Variants in PLCE1 observed in about 807,000 individuals in gnomAD.
PLCE1 encodes 1-phosphatidylinositol 4,5-bisphosphate phosphodiesterase epsilon-1.
PLCE1 carries 119 observed loss-of-function variants against 242.8 expected under a neutral mutation model. The observed-to-expected ratio is 0.49, with a 90% confidence interval of 0.42 to 0.57. The LOEUF is 0.57. Ranked by LOEUF, PLCE1 falls within the 20% of genes least tolerant of loss-of-function variation. The pLI is 0.00. For synonymous variants in PLCE1, 945 were observed against 1,017.4 expected, an observed-to-expected ratio of 0.93 and a Z score of 1.35; for missense variants, 2,441 against 2,788.8, an observed-to-expected ratio of 0.88 and a Z score of 2.81.
chr10:94,234,304 A>T lies in PLCE1; in HGVS notation c.2206A>T (p.Thr736Ser). The change falls in exon 6 of 33, where the codon ACT (threonine) becomes TCT (serine). Residue 736 changes from threonine (T) to serine (S), a missense_variant. By Grantham distance (58) the Thr-to-Ser change is moderately conservative (BLOSUM62 1). Coordinates refer to ENST00000371380, the MANE Select transcript of PLCE1 (RefSeq NM_016341.4). ...CCCGCGGTACAATTCCCAAGAAGAA[A>T]CTTTAGAGGTAAGGCCTTTCAGAAT... is the stretch of plus-strand genomic sequence containing the variant. ...LCPRYNSQEE[T>S]LEFVADYSGQ... is the part of the protein sequence containing the mutation. The T allele has an allele frequency of 6.2e-7, 1 of 1,613,946 alleles. No homozygotes were observed. Among genetic ancestry groups the T allele is most frequent in the Non-Finnish European group, 8.5e-7 (1 of 1,179,960 alleles).
chr10:94,211,599 CCTT>C (rs1411873451), intron 4 of PLCE1, among the ~76,000 whole-genome samples: 1 of 152,248 alleles, frequency 6.6e-6, no homozygotes. Context: ...CTGGATTATT[CCTT>C]CATGACAGCC....
At chr10:94,234,950 A>C (rs991221170) in intron 6 of PLCE1, among the ~76,000 whole-genome samples, 2 of 152,158 alleles carry the variant, frequency 1.3e-5, no homozygotes, top group African/African-American at 4.8e-5. Flanking sequence ...AAAATGAAAG[A>C]AGTGACTAAA....
chr10:94,284,450 C>T (rs2052363985), intron 21 of PLCE1, among the ~76,000 whole-genome samples: 1 of 152,222 alleles, frequency 6.6e-6, no homozygotes, highest in South Asian at 2.1e-4. Context: ...TACCCAGACC[C>T]TATCCTCAAG....
At chr10:94,017,811 G>A (rs1010176493) in intron 1 of PLCE1, among the ~76,000 whole-genome samples, 8 of 152,150 alleles carry the variant, frequency 5.3e-5, no homozygotes, top group Non-Finnish European at 1.2e-4. Context: ...ATAAAATGTA[G>A]GCTAGACATC....
chr10:94,268,805 T>C, intron 16 of PLCE1, 124 bp from the exon 17 acceptor site: 1 of 694,596 alleles, frequency 1.4e-6, no homozygotes, highest in Non-Finnish European at 2.7e-6. Flanking sequence ...TTTTAGACCA[T>C]TTGCCCTTCT....
chr10:94,181,910 C>G (rs939510233), intron 4 of PLCE1, among the ~76,000 whole-genome samples: 1 of 152,150 alleles, frequency 6.6e-6, no homozygotes, highest in Non-Finnish European at 1.5e-5. Context: ...GAGTGAGACC[C>G]TTTCTCTAAA....
intron 1 of PLCE1, among the ~76,000 whole-genome samples, chr10:93,998,240 A>G (rs904536639): frequency 1.2e-4 from 18 of 152,196 alleles, no homozygotes; most frequent in African/African-American, 4.1e-4. Context: ...CCTGCCTTTG[A>G]AGAAATTATT....
chr10:94,276,821 G>C (rs988922144), intron 19 of PLCE1, among the ~76,000 whole-genome samples: 4 of 152,082 alleles, frequency 2.6e-5, no homozygotes, highest in Non-Finnish European at 4.4e-5. Flanking sequence ...CAACTTACTT[G>C]TTCCTTATTT....
At chr10:94,258,194 G>A (rs983410258) in intron 11 of PLCE1, among the ~76,000 whole-genome samples, 5 of 152,072 alleles carry the variant, frequency 3.3e-5, no homozygotes, top group African/African-American at 1.2e-4. Flanking sequence ...CGAACACCTG[G>A]GGTCAAGCAA....
At chr10:94,220,419 T>TATATATAC (rs1554887053) in intron 4 of PLCE1, among the ~76,000 whole-genome samples, 2 of 124,060 alleles carry the variant, frequency 1.6e-5, no homozygotes, top group East Asian at 2.4e-4. Flanking sequence ...TATATATATA[T>TATATATAC]GATTGGGCTA....
chr10:94,217,346 A>G (rs770629132), intron 4 of PLCE1, among the ~76,000 whole-genome samples: 8 of 152,184 alleles, frequency 5.3e-5, no homozygotes, highest in Non-Finnish European at 7.3e-5. Flanking sequence ...ATGGTCCCAC[A>G]ATAGGATCAG....
chr10:94,111,701 G>A (rs531193133), intron 2 of PLCE1, among the ~76,000 whole-genome samples: 1 of 152,144 alleles, frequency 6.6e-6, no homozygotes, highest in African/African-American at 2.4e-5. Flanking sequence ...TTTTCCTATA[G>A]GAAAGATCTC....
rs757088793 is a variant in PLCE1 at position 94,236,114 on chromosome 10, G to A, written c.2414G>A (p.Arg805Gln). Reference protein sequence around the residue: ...SRKSSLKDKSRWQFIIGDLLD... With the variant: ...SRKSSLKDKSQWQFIIGDLLD... ...AAAAGCTCCTTGAAGGATAAAAGCC[G>A]ATGGCAGTAAGTTTTACACGTTAAA... The change falls in exon 7 of 33, where the codon CGA (arginine) becomes CAA (glutamine). Residue 805 changes from arginine (R) to glutamine (Q), a missense_variant. Transcript: ENST00000371380. 4.3e-5 allele frequency: 70 copies of A among 1,612,888 alleles called. No individual in the cohort carries two copies. The highest frequency in any genetic ancestry group is 5.6e-5 in the Non-Finnish European group (66 of 1,179,344).
Position 94,246,134 on chromosome 10 carries a change from A to G in PLCE1, c.2609A>G (p.Tyr870Cys). The change falls in exon 8 of 33, where the codon TAC becomes TGC. Residue 870 changes from tyrosine to cysteine, a missense_variant. Around this residue, in one of 5 missense-constraint regions of PLCE1, gnomAD observed 733 missense variants for 754.2 expected, o/e 0.97. Coordinates refer to ENST00000371380, the MANE Select transcript of PLCE1 (RefSeq NM_016341.4). ...CTGCAGGGGGCCACGGTCATCCACT[A>G]CGACCAGGACACACACCTCTCTGCC... ...FLLQGATVIH[Y>C]DQDTHLSARC... 6.2e-7 allele frequency: 1 copy of G among 1,614,088 alleles called. No individual in the cohort carries two copies. The highest frequency in any genetic ancestry group is 8.5e-7 in the Non-Finnish European group (1 of 1,179,996).
At chr10:94,114,464 C>T (rs2046054816) in intron 2 of PLCE1, among the ~76,000 whole-genome samples, 2 of 152,206 alleles carry the variant, frequency 1.3e-5, no homozygotes, top group Non-Finnish European at 2.9e-5. Flanking sequence ...CACACGAATA[C>T]ATTCCCCTTG....
At chr10:94,320,870 C>T (rs2053773410) in intron 29 of PLCE1, among the ~76,000 whole-genome samples, 1 of 152,062 alleles carries the variant, frequency 6.6e-6, no homozygotes, top group Non-Finnish European at 1.5e-5. Context: ...ACATCCACAG[C>T]AAATGTTTAA....
intron 1 of PLCE1, among the ~76,000 whole-genome samples, chr10:94,001,701 C>T (rs2060934077): frequency 6.6e-6 from 1 of 152,184 alleles, no homozygotes; most frequent in African/African-American, 2.4e-5. Flanking sequence ...TTTCAAGTTA[C>T]TGTGATTTCT....
intron 8 of PLCE1, among the ~76,000 whole-genome samples, chr10:94,251,690 G>A (rs559519746): frequency 1.3e-5 from 2 of 152,230 alleles, no homozygotes; most frequent in East Asian, 3.9e-4. Flanking sequence ...CCTGCCCCTT[G>A]AGTGTGTTGT....
chr10:94,024,771 T>G (rs996348355), intron 1 of PLCE1, among the ~76,000 whole-genome samples: 1 of 152,144 alleles, frequency 6.6e-6, no homozygotes, highest in Non-Finnish European at 1.5e-5. Context: ...AGAATAAAAT[T>G]GGAAACATTC....
Sources: allele counts gnomAD v4.1 joint callset (sites outside exome capture counted in the v4.1 genomes callset), GRCh38; gene constraint gnomAD v4.1.1; regional missense constraint gnomAD v4.1.1; transcripts MANE v1.5; gene names NCBI Gene and HGNC (gene_info 2026-07-23, HGNC 2026-07-21).